Variants in DMXL2 observed in about 807,000 individuals in gnomAD.
The protein encoded by DMXL2 is Dmx like 2, also known as dmX-like protein 2.
In DMXL2, 103 loss-of-function variants were observed where a neutral mutation model predicts 331.1. The observed-to-expected ratio is 0.31, with a 90% CI of 0.27 to 0.37. DMXL2 has a LOEUF of 0.37. Among genes scored for constraint, DMXL2 ranks in the 10% least tolerant of loss-of-function variants. The pLI is 1.00. For missense variants in DMXL2, 3,171 were observed against 3,642.9 expected (o/e 0.87, Z 3.33); for synonymous variants, 1,281 against 1,252.1 (o/e 1.02, Z -0.49).
intron 1 of DMXL2, among the ~76,000 whole-genome samples, chr15:51,581,135 A>T (rs2051383653): frequency 6.6e-6 from 1 of 152,168 alleles, no homozygotes; most frequent in Non-Finnish European, 1.5e-5. Flanking sequence ...GGAGGTGAGC[A>T]GTGAGTGAGT....
chr15:51,559,591 C>T (rs2049822841), intron 6 of DMXL2, among the ~76,000 whole-genome samples: 1 of 152,032 alleles, frequency 6.6e-6, no homozygotes, highest in African/African-American at 2.4e-5. Context: ...CATGGTGGTG[C>T]ATGCCTGTAG....
At chr15:51,518,150 T>C (rs780054371) in intron 13 of DMXL2, among the ~76,000 whole-genome samples, 17 of 152,006 alleles carry the variant, frequency 1.1e-4, no homozygotes, top group Non-Finnish European at 1.8e-4. Context: ...CTGGCCAACA[T>C]GGTGAAACCC....
intron 22 of DMXL2, among the ~76,000 whole-genome samples, chr15:51,487,294 A>G (rs74752919): frequency 0.012 from 1,759 of 152,306 alleles, 27 homozygotes; most frequent in East Asian, 0.026. Context: ...AAACAGCTTA[A>G]TGTATCTGCC....
intron 9 of DMXL2, among the ~76,000 whole-genome samples, chr15:51,541,378 T>C (rs1336723945): frequency 1.3e-5 from 2 of 152,136 alleles, no homozygotes; most frequent in Non-Finnish European, 2.9e-5. Flanking sequence ...GTAATCAATA[T>C]GAAATAAAAT....
chr15:51,612,927 C>T (rs139446312), intron 1 of DMXL2, among the ~76,000 whole-genome samples: 86 of 152,286 alleles, frequency 5.6e-4, no homozygotes, highest in African/African-American at 1.9e-3. Context: ...CCCTTAGGGA[C>T]GCCTTCTCTT....
intron 2 of DMXL2, among the ~76,000 whole-genome samples, chr15:51,572,522 T>C (rs941075862): frequency 1.3e-5 from 2 of 152,210 alleles, no homozygotes; most frequent in African/African-American, 4.8e-5. Flanking sequence ...TGAACATCAA[T>C]GCAAAAATCC....
rs368864368 is a variant in DMXL2, at chr15:51,449,029, C to T, written c.9132G>A (p.Leu3044=). 1.9e-6 allele frequency: 3 copies of T among 1,614,114 alleles called. No individual in the cohort carries two copies. Among genetic ancestry groups the T allele is most frequent in the South Asian group, 2.2e-5 (2 of 91,076 alleles). The change falls in exon 44 of 44, where the codon TTG becomes TTA. Residue 3044 remains leucine, a synonymous_variant. Coordinates refer to ENST00000560891, the MANE Select transcript of DMXL2 (RefSeq NM_001378457.1). Reference sequence around the variant, plus strand: ...TGTTAGGGATGTTAAAAGCATTGGGCAAAACCCTGGTTTTCAGCGTGCCAT... The same window carrying T: ...TGTTAGGGATGTTAAAAGCATTGGGTAAAACCCTGGTTTTCAGCGTGCCAT... The part of the protein sequence containing the change: ...GADGTLKTRV[L]PNAFNIPNRI...
rs576809074 is a variant in DMXL2, at chr15:51,477,085, C to A, written c.6834-366G>T. Among the ~76,000 whole-genome samples, 3 of 152,162 alleles carry A rather than the reference C, an allele frequency of 2.0e-5. No homozygotes were observed. The South Asian group carries it at 6.2e-4, about 32-fold the overall frequency. ...CTAGGATACAGTAGGCAGAAAGTTT[C>A]AGGGACTAGTAGGTTGCATTTCTTT... On this transcript the variant is annotated intron_variant, in intron 26 of 43. Coordinates refer to ENST00000560891, the MANE Select transcript of DMXL2 (RefSeq NM_001378457.1).
Position 51,459,920 on chromosome 15 carries a change from A to G in DMXL2, c.7927-260T>C, listed in dbSNP as rs1013452327. On this transcript the variant is annotated intron_variant, in intron 33 of 43. Coordinates refer to ENST00000560891, the MANE Select transcript of DMXL2 (RefSeq NM_001378457.1). Reference sequence around the variant, plus strand: ...TTCAAAATAAAAATTAGTTATCTGTATACAGTTTTAAGAAATCTAAGTTAC... The same window carrying G: ...TTCAAAATAAAAATTAGTTATCTGTGTACAGTTTTAAGAAATCTAAGTTAC... 7.2e-6 allele frequency: 8 copies of G among 1,107,748 alleles called. No homozygotes were observed. The Admixed American group carries it at 1.7e-4, about 24-fold the overall frequency. The allele number at this position is 1,107,748 out of a possible 1,614,324, so 68.6% of individuals were successfully genotyped here.
chr15:51,521,476 A>G (rs1403083750), intron 13 of DMXL2, among the ~76,000 whole-genome samples: 1 of 148,304 alleles, frequency 6.7e-6, no homozygotes, highest in Non-Finnish European at 1.5e-5. Flanking sequence ...TAGTGGTAGT[A>G]GTAGTAGTAG....
intron 8 of DMXL2, among the ~76,000 whole-genome samples, chr15:51,543,019 G>A (rs1018743702): frequency 6.6e-6 from 1 of 152,062 alleles, no homozygotes; most frequent in Non-Finnish European, 1.5e-5. Context: ...AGTAGACAAG[G>A]AAAGACCTCA....
At chr15:51,455,916 A>C in intron 39 of DMXL2, 150 bp downstream of exon 39, 1 of 864,038 alleles carries the variant, frequency 1.2e-6, no homozygotes, top group Non-Finnish European at 1.8e-6. Context: ...TATTGGAAGA[A>C]AAGAGAGTGT....
intron 1 of DMXL2, among the ~76,000 whole-genome samples, chr15:51,603,902 C>T (rs1181621061): frequency 1.3e-5 from 2 of 151,302 alleles, no homozygotes; most frequent in Non-Finnish European, 2.9e-5. Context: ...TACTTCCAAA[C>T]TCATGAAGCT....
At chr15:51,449,799 T>C (rs891728142) in intron 43 of DMXL2, among the ~76,000 whole-genome samples, 1 of 151,716 alleles carries the variant, frequency 6.6e-6, no homozygotes, top group Admixed American at 6.6e-5. Flanking sequence ...CACACAAGAG[T>C]ACTGAGGGAG....
chr15:51,545,259 C>T lies in DMXL2; in HGVS notation c.930+324G>A, dbSNP rs181522286. On this transcript the variant is annotated intron_variant, in intron 8 of 43. Transcript: ENST00000560891. ...ATTTCAAGGATCTTTACATATTTTA[C>T]TAATACTTAGTCCCATAGATTTTCA... 2.2e-3 allele frequency among the ~76,000 whole-genome samples: 327 copies of T among 152,072 alleles called. 1 individual carries two copies. The highest frequency in any genetic ancestry group is 3.4e-3 in the Non-Finnish European group (232 of 67,972).
intron 26 of DMXL2, among the ~76,000 whole-genome samples, chr15:51,477,908 A>G (rs4775943): frequency 0.45 from 67,742 of 151,804 alleles, 15,683 homozygotes; most frequent in Non-Finnish European, 0.5. Flanking sequence ...TTTTATTTCA[A>G]TGGATAATTA....
chr15:51,462,487 C>T (rs550690922), intron 33 of DMXL2, among the ~76,000 whole-genome samples: 48 of 152,222 alleles, frequency 3.2e-4, no homozygotes, highest in Non-Finnish European at 6.6e-4. Flanking sequence ...AGACATGCGC[C>T]ACCACGCCCG....
At chr15:51,535,223 G>A (rs1684525631) in intron 13 of DMXL2, among the ~76,000 whole-genome samples, 1 of 152,102 alleles carries the variant, frequency 6.6e-6, no homozygotes, top group Non-Finnish European at 1.5e-5. Flanking sequence ...CTATCAGAAT[G>A]AGATGCTGCC....
chr15:51,470,448 C>T (rs2040995872), intron 29 of DMXL2, among the ~76,000 whole-genome samples: 1 of 151,986 alleles, frequency 6.6e-6, no homozygotes, highest in Non-Finnish European at 1.5e-5. Context: ...CTTTAGATAA[C>T]AAAACAAAGC....
Sources: gnomAD v4.1 joint callset for allele counts (sites outside exome capture counted in the v4.1 genomes callset) on GRCh38, gnomAD v4.1.1 for gene constraint, MANE v1.5 for transcripts, NCBI Gene and HGNC (gene_info 2026-07-23, HGNC 2026-07-21) for gene names.